ATP10B: variants seen among roughly 807,000 people sequenced by gnomAD.
ATP10B encodes the protein phospholipid-transporting ATPase VB.
In ATP10B, 122 loss-of-function variants were observed where a neutral mutation model predicts 141.2. That is an observed-to-expected ratio of 0.86 (90% CI 0.75 to 1.00). The LOEUF (loss-of-function observed/expected upper bound fraction) is 1.00. Ranked by LOEUF, ATP10B falls within the 50% of genes least tolerant of loss-of-function variation. The probability of loss-of-function intolerance (pLI) is 0.00; values close to 1 mark genes in which losing one functional copy is unlikely to be tolerated. For synonymous variants in ATP10B, 685 were observed against 692.0 expected, an observed-to-expected ratio of 0.99 and a Z score of 0.16; for missense variants, 1,876 against 1,825.3, an observed-to-expected ratio of 1.03 and a Z score of -0.51.
chr5:160,873,500 T>C, the ATP10B span, among the ~76,000 whole-genome samples: 1 of 152,206 alleles, frequency 6.6e-6, no homozygotes, highest in Non-Finnish European at 1.5e-5. Context: ...TCTTTAAGAA[T>C]AGACAAAAAC....
intron 2 of ATP10B, among the ~76,000 whole-genome samples, chr5:160,777,242 T>C (rs545506828): frequency 6.6e-6 from 1 of 152,324 alleles, no homozygotes; most frequent in East Asian, 1.9e-4. Flanking sequence ...CAGGCCAGCA[T>C]CCACAGCTCC....
intron 1 of ATP10B, among the ~76,000 whole-genome samples, chr5:160,808,962 C>T (rs1772966391): frequency 6.6e-6 from 1 of 152,180 alleles, no homozygotes; most frequent in African/African-American, 2.4e-5. Flanking sequence ...GGTTTGCTGG[C>T]AGTCTCTAGT....
At chr5:160,858,097 C>T in the ATP10B span, among the ~76,000 whole-genome samples, 1 of 151,508 alleles carries the variant, frequency 6.6e-6, no homozygotes, top group Non-Finnish European at 1.5e-5. Flanking sequence ...GTGGAATTGT[C>T]CATTTTTCCT....
chr5:160,755,939 A>C (rs1436885268), intron 2 of ATP10B, among the ~76,000 whole-genome samples: 2 of 143,754 alleles, frequency 1.4e-5, no homozygotes, highest in Non-Finnish European at 1.5e-5. Flanking sequence ...TGTCATTAGG[A>C]GGTGCATGAC....
At chr5:160,667,142 C>T (rs902041166) in intron 7 of ATP10B, among the ~76,000 whole-genome samples, 1 of 152,090 alleles carries the variant, frequency 6.6e-6, no homozygotes, top group African/African-American at 2.4e-5. Flanking sequence ...GGCGTGAACC[C>T]GGGAGGCGGA....
chr5:160,665,508 A>G (rs913241897), intron 7 of ATP10B, among the ~76,000 whole-genome samples: 2 of 152,226 alleles, frequency 1.3e-5, no homozygotes, highest in Admixed American at 1.3e-4. Flanking sequence ...TAACAGGCCT[A>G]TTGACTCCAG....
At chr5:160,886,237 T>G in the ATP10B span, among the ~76,000 whole-genome samples, 2 of 152,104 alleles carry the variant, frequency 1.3e-5, no homozygotes, top group Non-Finnish European at 2.9e-5. Flanking sequence ...CAAAATGACA[T>G]GGGTGCACAG....
At chr5:160,853,712 G>T (rs992845294), upstream of ATP10B, among the ~76,000 whole-genome samples, 9 of 152,116 alleles carry the variant, frequency 5.9e-5, no homozygotes, top group Non-Finnish European at 1.3e-4. Flanking sequence ...CAGACATATG[G>T]CAAATTATTT....
the ATP10B span, among the ~76,000 whole-genome samples, chr5:160,917,080 G>A: frequency 6.6e-6 from 1 of 152,052 alleles, no homozygotes; most frequent in African/African-American, 2.4e-5. Context: ...GCCCACCATG[G>A]TGGCTCTATA....
intron 7 of ATP10B, among the ~76,000 whole-genome samples, chr5:160,665,754 C>T (rs1175080514): frequency 2.0e-5 from 3 of 152,104 alleles, no homozygotes; most frequent in South Asian, 4.2e-4. Flanking sequence ...TAGTAATTCT[C>T]ATCATCCAGA....
chr5:160,785,963 A>G (rs909569986), intron 1 of ATP10B, among the ~76,000 whole-genome samples, 160 bp from the exon 2 acceptor site: 5 of 152,202 alleles, frequency 3.3e-5, no homozygotes, highest in Non-Finnish European at 2.9e-5. Context: ...TTGTTTCAGT[A>G]GAAACATTTT....
intron 6 of ATP10B, among the ~76,000 whole-genome samples, chr5:160,675,441 A>G (rs1762964964): frequency 6.6e-6 from 1 of 152,224 alleles, no homozygotes. Flanking sequence ...TTTGTAGCCA[A>G]CTGGATGCCA....
chr5:160,593,473 CAG>C (rs1298202230), intron 22 of ATP10B, among the ~76,000 whole-genome samples: 2 of 152,200 alleles, frequency 1.3e-5, no homozygotes, highest in African/African-American at 4.8e-5. Context: ...GGGGAAAAAA[CAG>C]AGCAGAAAAA....
At chr5:160,568,092 C>A (rs559891531) in intron 25 of ATP10B, among the ~76,000 whole-genome samples, 3 of 152,182 alleles carry the variant, frequency 2.0e-5, no homozygotes, top group Non-Finnish European at 4.4e-5. Flanking sequence ...TCTAGAGATA[C>A]CCAGATTTCT....
chr5:160,692,979 A>T (rs1053875913), intron 3 of ATP10B: 1 of 152,176 alleles, frequency 6.6e-6, no homozygotes, highest in Non-Finnish European at 1.5e-5. Flanking sequence ...ATAAAATGAC[A>T]TCTTTTGCCT....
At chr5:160,580,242 G>A (rs1038798713) in intron 24 of ATP10B, among the ~76,000 whole-genome samples, 3 of 151,846 alleles carry the variant, frequency 2.0e-5, no homozygotes, top group Non-Finnish European at 2.9e-5. Flanking sequence ...GTTTTCTGTC[G>A]GTTTTCAAGG....
rs114597598 is a variant in ATP10B, at chr5:160,673,045, A to C, written c.471-2378T>G. On this transcript the variant is annotated intron_variant, in intron 6 of 25. Transcript: ENST00000327245. ...GGGAGCAACTTTAGAACTCGAAAGA[A>C]CCACAGGGTTCTGTGGAAGTGCTCT... is the stretch of plus-strand genomic sequence containing the variant. 5.0e-3 allele frequency among the ~76,000 whole-genome samples: 764 copies of C among 152,334 alleles called. 6 individuals carry two copies. The highest frequency in any genetic ancestry group is 0.017 in the African/African-American group (717 of 41,586).
In ATP10B at chr5:160,582,600, AATC is replaced by A. The variant is rs558270138; in HGVS notation, c.3750+6989_3750+6991del. 2.6e-3 allele frequency among the ~76,000 whole-genome samples: 397 copies of A among 152,000 alleles called. 3 individuals carry two copies. The highest frequency in any genetic ancestry group is 9.2e-3 in the African/African-American group (381 of 41,494). On this transcript the variant is annotated intron_variant, in intron 24 of 25. Transcript: ENST00000327245. Reference sequence around the variant, plus strand: ...TTTTTCCTTCATTTCAACCTTGGTGAATCTGACAATTATGTGTCTTGGCCTGTC... The same window carrying A: ...TTTTTCCTTCATTTCAACCTTGGTGATGACAATTATGTGTCTTGGCCTGTC...
At chr5:160,689,346 T>G (rs1243108344) in intron 3 of ATP10B, among the ~76,000 whole-genome samples, 2 of 152,226 alleles carry the variant, frequency 1.3e-5, no homozygotes, top group African/African-American at 2.4e-5. Context: ...TTACCACTCC[T>G]GTTCAACATA....
Sources: allele counts gnomAD v4.1 joint callset (sites outside exome capture counted in the v4.1 genomes callset), GRCh38; gene constraint gnomAD v4.1.1; transcripts MANE v1.5; gene names NCBI Gene and HGNC (gene_info 2026-07-23, HGNC 2026-07-21).